The following CA10 variants were observed in gnomAD, a reference collection of about 807,000 sequenced individuals.
CA10 encodes the protein carbonic anhydrase 10 (inactive), also known as carbonic anhydrase-related protein 10.
CA10 carries 14 observed loss-of-function variants against 44.2 expected under a neutral mutation model. The observed-to-expected ratio is 0.32, with a 90% confidence interval of 0.21 to 0.50. The LOEUF (loss-of-function observed/expected upper bound fraction) is 0.50. Ranked by LOEUF, CA10 falls within the 20% of genes least tolerant of loss-of-function variation. The pLI is 0.99. For missense variants in CA10, 350 were observed against 409.7 expected, an observed-to-expected ratio of 0.85 and a Z score of 1.26; for synonymous variants, 159 against 141.6, an observed-to-expected ratio of 1.12 and a Z score of -0.87.
chr17:51,691,968 C>T (rs1408521237), intron 4 of CA10, among the ~76,000 whole-genome samples: 1 of 152,100 alleles, frequency 6.6e-6, no homozygotes, highest in East Asian at 1.9e-4. Flanking sequence ...TCTAAAAGTG[C>T]TTTAGCTAAT....
At chr17:51,923,215 C>T (rs536513271) in intron 3 of CA10, among the ~76,000 whole-genome samples, 70 of 152,190 alleles carry the variant, frequency 4.6e-4, no homozygotes, top group African/African-American at 1.6e-3. Context: ...AAACCAGCAC[C>T]ACGGCAACAC....
chr17:52,060,921 A>T (rs1987366562), intron 2 of CA10, among the ~76,000 whole-genome samples: 1 of 152,172 alleles, frequency 6.6e-6, no homozygotes, highest in African/African-American at 2.4e-5. Context: ...ATCTGGAAAA[A>T]GGGGAGTATG....
At chr17:51,968,894 C>A (rs759423654) in intron 2 of CA10, among the ~76,000 whole-genome samples, 14 of 151,904 alleles carry the variant, frequency 9.2e-5, no homozygotes, top group Non-Finnish European at 1.9e-4. Context: ...AAGGTGAACA[C>A]AATCTCATTT....
At chr17:51,804,506 T>C (rs1263903) in intron 3 of CA10, among the ~76,000 whole-genome samples, 3,703 of 152,348 alleles carry the variant, frequency 0.024, 61 homozygotes, top group Non-Finnish European at 0.039. Flanking sequence ...ATCTCATTCA[T>C]GGTCAACTTT....
intron 2 of CA10, among the ~76,000 whole-genome samples, chr17:52,068,301 AAAG>A (rs1987589671): frequency 6.6e-6 from 1 of 152,180 alleles, no homozygotes; most frequent in Non-Finnish European, 1.5e-5. Context: ...GCAGCCTTGT[AAAG>A]AAGGTATCTT....
chr17:52,071,192 A>G (rs760313389), intron 2 of CA10, among the ~76,000 whole-genome samples: 2 of 152,166 alleles, frequency 1.3e-5, no homozygotes, highest in Non-Finnish European at 2.9e-5. Flanking sequence ...TTCGGTTTCT[A>G]TGTTCACTGG....
chr17:51,771,670 A>C (rs987680812), intron 3 of CA10, among the ~76,000 whole-genome samples: 1 of 152,174 alleles, frequency 6.6e-6, no homozygotes, highest in Non-Finnish European at 1.5e-5. Context: ...AAATCTGAGA[A>C]AGTGAATGTT....
At chr17:51,976,570 A>G (rs1040483995) in intron 2 of CA10, among the ~76,000 whole-genome samples, 3 of 150,418 alleles carry the variant, frequency 2.0e-5, no homozygotes, top group Admixed American at 6.8e-5. Flanking sequence ...TACAAACACT[A>G]TGTATTAAAA....
intron 3 of CA10, among the ~76,000 whole-genome samples, chr17:51,824,408 G>T (rs1209035246): frequency 6.6e-6 from 1 of 152,074 alleles, no homozygotes; most frequent in Non-Finnish European, 1.5e-5. Context: ...ATTTCAAAAG[G>T]CACCAACATT....
chr17:51,738,636 T>A (rs1916990057), intron 4 of CA10, among the ~76,000 whole-genome samples: 1 of 152,194 alleles, frequency 6.6e-6, no homozygotes, highest in Admixed American at 6.5e-5. Flanking sequence ...TAGATCCACT[T>A]CCTTGTGGAT....
chr17:51,696,049 C>T (rs1484221412), intron 4 of CA10, among the ~76,000 whole-genome samples: 1 of 152,152 alleles, frequency 6.6e-6, no homozygotes, highest in Non-Finnish European at 1.5e-5. Flanking sequence ...TTTTAATGTG[C>T]TGCTGGATTT....
intron 1 of CA10, among the ~76,000 whole-genome samples, chr17:52,087,888 A>G (rs1290502490): frequency 6.6e-6 from 1 of 152,188 alleles, no homozygotes; most frequent in Non-Finnish European, 1.5e-5. Context: ...AGCCAACACT[A>G]TGAGGTCTCT....
intron 2 of CA10, among the ~76,000 whole-genome samples, chr17:52,001,858 A>G (rs965871428): frequency 6.6e-6 from 1 of 152,048 alleles, no homozygotes; most frequent in African/African-American, 2.4e-5. Context: ...TGAAAAATAC[A>G]CATAATAATG....
At chr17:51,632,228 T>C (rs1188180410) in intron 8 of CA10, among the ~76,000 whole-genome samples, 1 of 152,246 alleles carries the variant, frequency 6.6e-6, no homozygotes, top group Non-Finnish European at 1.5e-5. Flanking sequence ...ACTCCTGTTG[T>C]AGACCATATG....
chr17:51,833,342 A>T (rs954057190), intron 3 of CA10, among the ~76,000 whole-genome samples: 2 of 152,142 alleles, frequency 1.3e-5, no homozygotes, highest in Non-Finnish European at 2.9e-5. Flanking sequence ...CATGACACAG[A>T]TTAAGAGCTT....
At chr17:51,969,147 C>A (rs548201887) in intron 2 of CA10, among the ~76,000 whole-genome samples, 1 of 152,032 alleles carries the variant, frequency 6.6e-6, no homozygotes, top group Admixed American at 6.6e-5. Flanking sequence ...AATAAGCATG[C>A]TTTTTGAGCT....
intron 5 of CA10, among the ~76,000 whole-genome samples, chr17:51,653,424 G>C (rs1913652411): frequency 6.6e-6 from 1 of 150,458 alleles, no homozygotes; most frequent in African/African-American, 2.4e-5. Context: ...TGAATCCTCA[G>C]GCCCAGATGC....
intron 3 of CA10, among the ~76,000 whole-genome samples, chr17:51,774,661 C>T (rs1482802265): frequency 1.3e-5 from 2 of 152,136 alleles, no homozygotes; most frequent in Non-Finnish European, 1.5e-5. Context: ...CTAGGCTGGT[C>T]TCGAACTCCT....
rs559626474 is a variant in CA10 at position 51,976,222 on chromosome 17, C to A, written c.137-45090G>T. Among the ~76,000 whole-genome samples, 11 of 152,250 alleles carry A rather than the reference C, an allele frequency of 7.2e-5. No individual in the cohort carries two copies. In the East Asian group the frequency reaches 1.9e-3, roughly 27 times the overall value. ...ACAATCGTAGTTAAAAACAGTAACA[C>A]CAGTCTTTCAGTAATTGTTGGAAGA... On this transcript the variant is annotated intron_variant, in intron 2 of 8. Transcript: ENST00000451037.
Sources: allele counts gnomAD v4.1 joint callset (sites outside exome capture counted in the v4.1 genomes callset), GRCh38; gene constraint gnomAD v4.1.1; transcripts MANE v1.5; gene names NCBI Gene and HGNC (gene_info 2026-07-23, HGNC 2026-07-21).